Variants in OPHN1 observed in about 807,000 individuals in gnomAD.
OPHN1 encodes oligophrenin-1.
A neutral mutation model predicts 60.7 loss-of-function variants in OPHN1; 11 were observed. That is an observed-to-expected ratio of 0.18 (90% confidence interval 0.11 to 0.30). OPHN1 has a LOEUF of 0.30. OPHN1 is among the 10% of genes least tolerant of loss of function. The pLI is 1.00. For synonymous variants in OPHN1, 226 were observed against 222.6 expected (o/e 1.02, Z -0.14); for missense variants, 449 against 611.0 (o/e 0.73, Z 2.80).
intron 18 of OPHN1, among the ~76,000 whole-genome samples, chrX:68,109,769 G>A (rs1166775353): frequency 9.0e-6 from 1 of 111,315 alleles, no homozygotes; most frequent in East Asian, 2.8e-4. Context: ...CTGGAAAATT[G>A]TAATATATCC....
At position 68,063,910 on chromosome X, in the gene OPHN1, G is replaced by A. The variant is rs1343441591; in HGVS notation, c.2102C>T (p.Thr701Ile). The change falls in exon 21 of 25, where the codon ACC (threonine) becomes ATC (isoleucine). Residue 701 changes from threonine to isoleucine, a missense_variant. By Grantham distance (89) the Thr-to-Ile change is moderately conservative. Transcript: ENST00000355520. ...TGGTCTCTTTATGTGGAAAGAGGGGGTCTTGGTGGGCCCAGAGCCTGGCAT... is the reference window on the plus strand; with the variant it reads ...TGGTCTCTTTATGTGGAAAGAGGGGATCTTGGTGGGCCCAGAGCCTGGCAT... ...GPMPGSGPTK[T>I]PSFHIKRPAP... The A allele has an allele frequency of 1.4e-5, 17 of 1,187,141 alleles. No individual in the cohort carries two copies. The highest frequency in any genetic ancestry group is 1.9e-5 in the Non-Finnish European group (17 of 882,901).
chrX:68,210,344 T>C (rs189829645), intron 8 of OPHN1, 62 bp from the exon 9 acceptor site: 2 of 1,117,338 alleles, frequency 1.8e-6, no homozygotes, highest in Admixed American at 4.6e-5. Context: ...AAAGTATTTC[T>C]TGGTCAGAGA....
chrX:68,389,736 A>G (rs1349169673), intron 2 of OPHN1, among the ~76,000 whole-genome samples: 8 of 108,504 alleles, frequency 7.4e-5, no homozygotes, highest in Admixed American at 7.0e-4. Flanking sequence ...TGTGGTTAAG[A>G]GTGTTGAATC....
At chrX:68,074,647 A>G (rs927115537) in intron 19 of OPHN1, among the ~76,000 whole-genome samples, 2 of 111,746 alleles carry the variant, frequency 1.8e-5, no homozygotes, top group African/African-American at 3.3e-5. Flanking sequence ...AAACAATGAC[A>G]TGCCTCCCTC....
At position 68,087,376 on chromosome X, in the gene OPHN1, A is replaced by T. The variant is rs765397820; in HGVS notation, c.1686+9494T>A. Among the ~76,000 whole-genome samples, 8 of 112,120 alleles carry T rather than the reference A, an allele frequency of 7.1e-5. No individual in the cohort carries two copies. The East Asian group carries it at 8.5e-4, about 12-fold the overall frequency. On this transcript the variant is annotated intron_variant, in intron 19 of 24. Coordinates refer to ENST00000355520, the MANE Select transcript of OPHN1 (RefSeq NM_002547.3). Reference sequence around the variant, plus strand: ...AATCCCTCTCCTGAAGGCTTCTGGGAACTAAATCTGGATAATTTGCTGGGC... The same window carrying T: ...AATCCCTCTCCTGAAGGCTTCTGGGTACTAAATCTGGATAATTTGCTGGGC...
chrX:68,416,372 G>C (rs1248689838), intron 2 of OPHN1, among the ~76,000 whole-genome samples: 1 of 110,168 alleles, frequency 9.1e-6, no homozygotes, highest in Non-Finnish European at 1.9e-5. Flanking sequence ...ACTATTCAAG[G>C]GCTTTGTGAA....
chrX:68,227,773 T>C (rs1186964365), intron 6 of OPHN1, among the ~76,000 whole-genome samples: 1 of 110,920 alleles, frequency 9.0e-6, no homozygotes, highest in Non-Finnish European at 1.9e-5. Flanking sequence ...GAGGGAAATT[T>C]ATAGCACTAA....
chrX:68,049,781 C>T (rs1337436682), intron 23 of OPHN1, among the ~76,000 whole-genome samples: 1 of 111,950 alleles, frequency 8.9e-6, no homozygotes, highest in East Asian at 2.8e-4. Context: ...GGTCTCACCC[C>T]CAGCTAAGTT....
Position 68,298,881 on chromosome X carries a change from C to T in OPHN1, c.250+120G>A, listed in dbSNP as rs767280226. The T allele has an allele frequency of 4.4e-5, 20 of 449,868 alleles. No homozygotes were observed. In the East Asian group the frequency reaches 9.8e-4, roughly 22 times the overall value. The allele number at this position is 449,868 out of a possible 1,213,427, so 37.1% of individuals were successfully genotyped here. A position where few individuals can be genotyped will look rare whatever the true frequency, so the allele number is the denominator to read the frequency against. The stretch of plus-strand genomic sequence containing the variant: ...TCCTTCCTAATCAACCTCCCAGGGC[C>T]TTGGCATTGGACCACAGTGGATGAA... On this transcript the variant is annotated intron_variant, in intron 3 of 24. Transcript: ENST00000355520.
At chrX:68,166,809 T>C (rs1274640040) in intron 15 of OPHN1, among the ~76,000 whole-genome samples, 1 of 111,759 alleles carries the variant, frequency 8.9e-6, no homozygotes, top group Non-Finnish European at 1.9e-5. Context: ...CTCCAACAAA[T>C]GGTGCTAGGA....
At chrX:68,380,297 G>T (rs1469621030) in intron 2 of OPHN1, among the ~76,000 whole-genome samples, 3 of 110,813 alleles carry the variant, frequency 2.7e-5, no homozygotes, top group Non-Finnish European at 5.7e-5. Context: ...ATTTTTTATT[G>T]CATCTATTTG....
chrX:68,370,502 G>A (rs1271910077), intron 2 of OPHN1, among the ~76,000 whole-genome samples: 24 of 98,846 alleles, frequency 2.4e-4, no homozygotes, highest in African/African-American at 7.2e-4. Context: ...GTGAGACTCC[G>A]TCTCAAAAAA....
At chrX:68,055,506 G>A (rs1305766029) in intron 21 of OPHN1, among the ~76,000 whole-genome samples, 1 of 112,142 alleles carries the variant, frequency 8.9e-6, no homozygotes, top group East Asian at 2.8e-4. Context: ...CTGTTGGTGG[G>A]AGTGTAAACT....
At chrX:68,334,485 G>A (rs1327405260) in intron 2 of OPHN1, among the ~76,000 whole-genome samples, 1 of 111,401 alleles carries the variant, frequency 9.0e-6, no homozygotes, top group Admixed American at 9.7e-5. Flanking sequence ...TAGCTCTCCT[G>A]TGGATTTTGA....
chrX:68,199,728 C>T (rs2077526787), intron 11 of OPHN1, among the ~76,000 whole-genome samples: 1 of 112,038 alleles, frequency 8.9e-6, no homozygotes, highest in Non-Finnish European at 1.9e-5. Flanking sequence ...TACTTTGCAG[C>T]TTGTTTCTTC....
chrX:68,321,690 G>A (rs1037625403), intron 2 of OPHN1, among the ~76,000 whole-genome samples: 5 of 111,900 alleles, frequency 4.5e-5, no homozygotes, highest in African/African-American at 1.6e-4. Flanking sequence ...CACTTTGGGA[G>A]GCCAAGGCAG....
chrX:68,309,394 C>T (rs918763886), intron 2 of OPHN1, among the ~76,000 whole-genome samples: 2 of 111,518 alleles, frequency 1.8e-5, no homozygotes, highest in African/African-American at 3.3e-5. Flanking sequence ...GGGCAACAAA[C>T]ATGTGTGTAT....
At chrX:68,364,060 C>A (rs925364088) in intron 2 of OPHN1, among the ~76,000 whole-genome samples, 2 of 112,077 alleles carry the variant, frequency 1.8e-5, no homozygotes, top group African/African-American at 6.5e-5. Context: ...TTATTCAATG[C>A]ATATGCTGTA....
intron 2 of OPHN1, among the ~76,000 whole-genome samples, chrX:68,401,166 C>T (rs2078712729): frequency 9.0e-6 from 1 of 111,455 alleles, no homozygotes; most frequent in South Asian, 3.8e-4. Context: ...AAATCCAAAC[C>T]ATATTAGATA....
Sources: gnomAD v4.1 joint callset for allele counts (sites outside exome capture counted in the v4.1 genomes callset) on GRCh38, gnomAD v4.1.1 for gene constraint, MANE v1.5 for transcripts, NCBI Gene and HGNC (gene_info 2026-07-23, HGNC 2026-07-21) for gene names.